Variants in DDX5 observed in about 807,000 individuals in gnomAD.
The protein encoded by DDX5 is DEAD-box helicase 5, also known as probable ATP-dependent RNA helicase DDX5.
In DDX5, 6 loss-of-function variants were observed where a neutral mutation model predicts 68.6. The observed-to-expected ratio is 0.09, with a 90% CI of 0.05 to 0.17. The LOEUF (loss-of-function observed/expected upper bound fraction) is 0.17, where lower values mean the gene tolerates loss of function less well. Ranked by LOEUF, DDX5 falls within the 10% of genes least tolerant of loss-of-function variation. The probability of loss-of-function intolerance (pLI) is 1.00; values close to 1 mark genes in which losing one functional copy is unlikely to be tolerated. For synonymous variants in DDX5, 350 were observed against 247.0 expected (o/e 1.42, Z -3.91); for missense variants, 499 against 756.1 (o/e 0.66, Z 3.99).
chr17:64,503,366 A>AGT lies in DDX5; in HGVS notation c.650-20_650-19dup, dbSNP rs1220169924. 1 of 1,614,020 alleles carries AGT rather than the reference A, an allele frequency of 6.2e-7. No homozygotes were observed. The highest frequency in any genetic ancestry group is 8.5e-7 in the Non-Finnish European group (1 of 1,180,004). The stretch of plus-strand genomic sequence containing the variant: ...TTCCACACCTTTAATTAAATACGTA[A>AGT]GTGTAACTACAATACCTAGGATATT... On this transcript the variant is annotated intron_variant, in intron 6 of 12. Coordinates refer to ENST00000225792, the MANE Select transcript of DDX5 (RefSeq NM_004396.5).
chr17:64,504,981 A>T lies in DDX5; in HGVS notation c.45-139T>A, dbSNP rs1054727879. 5.0e-5 allele frequency: 34 copies of T among 679,390 alleles called. No homozygotes were observed. The African/African-American group carries it at 9.5e-4, about 19-fold the overall frequency. 42.1% of individuals were successfully genotyped at this position (679,390 alleles called of 1,614,324 possible). A position where few individuals can be genotyped will look rare whatever the true frequency, so the allele number is the denominator to read the frequency against. On this transcript the variant is annotated intron_variant, in intron 1 of 12. Coordinates refer to ENST00000225792, the MANE Select transcript of DDX5 (RefSeq NM_004396.5). The stretch of plus-strand genomic sequence containing the variant: ...TAAACCTAGCACTGTCCTTCGTGAA[A>T]ATCTCTCTCTCTCTCAACAGCCACA...
chr17:64,506,019 G>GTGCCCCCCCCC, intron 1 of DDX5, 57 bp downstream of exon 1: 5 of 1,360,432 alleles, frequency 3.7e-6, no homozygotes, highest in Non-Finnish European at 4.1e-6. Flanking sequence ...CCGCCACCCT[G>GTGCCCCCCCCC]ACCCGCCCTC....
chr17:64,505,954 G>A lies in DDX5; in HGVS notation c.44+122C>T, dbSNP rs534079500. ...CAAAATGGCGCAAGCCTTCGGGAAA[G>A]GAAGTCCCAAGATAGCCCGGAAAGG... On this transcript the variant is annotated intron_variant, in intron 1 of 12. Coordinates refer to ENST00000225792, the MANE Select transcript of DDX5 (RefSeq NM_004396.5). 98 of 1,537,288 alleles carry A rather than the reference G, an allele frequency of 6.4e-5. No homozygotes were observed. The South Asian group carries it at 7.9e-4, about 12-fold the overall frequency.
chr17:64,506,321 T>C, upstream of DDX5: 1 of 1,488,378 alleles, frequency 6.7e-7, no homozygotes, highest in Non-Finnish European at 8.9e-7. Flanking sequence ...GCTTTTATAG[T>C]CTGGACCGCC....
At chr17:64,506,780 G>T, upstream of DDX5, 1 of 533,154 alleles carries the variant, frequency 1.9e-6, no homozygotes, top group South Asian at 2.1e-5. Context: ...CGCACCCCGG[G>T]ACCCGCCCGG....
intron 11 of DDX5, chr17:64,501,761 T>C (rs2038302498): frequency 1.8e-6 from 1 of 571,036 alleles, no homozygotes; most frequent in East Asian, 2.9e-5. Flanking sequence ...GTTCTGCCTT[T>C]TGAAGATTAC....
upstream of DDX5, chr17:64,506,785 G>T (rs997496302): frequency 1.1e-5 from 6 of 534,528 alleles, no homozygotes; most frequent in Admixed American, 6.7e-5. Flanking sequence ...CCCGGGACCC[G>T]CCCGGGCTGC....
At chr17:64,502,289 A>G in intron 9 of DDX5, 66 bp from the exon 10 acceptor site, 1 of 1,555,712 alleles carries the variant, frequency 6.4e-7, no homozygotes, top group Non-Finnish European at 8.8e-7. Context: ...GTGCTTGACC[A>G]CTTTTGGTCA....
rs965918776 is a variant in DDX5 at position 64,505,197 on chromosome 17, G to C, written c.45-355C>G. On this transcript the variant is annotated intron_variant, in intron 1 of 12. Coordinates refer to ENST00000225792, the MANE Select transcript of DDX5 (RefSeq NM_004396.5). ...CCACCAGCCTAGCAATTCACTATCA[G>C]CAATAACAAGGCTACATGAACCGAA... is the stretch of plus-strand genomic sequence containing the variant. 1.9e-5 allele frequency: 5 copies of C among 264,538 alleles called. No individual in the cohort carries two copies. In the Admixed American group the frequency reaches 2.5e-4, roughly 13 times the overall value. The allele number at this position is 264,538 out of a possible 1,614,324, so 16.4% of individuals were successfully genotyped here. A position where few individuals can be genotyped will look rare whatever the true frequency, so the allele number is the denominator to read the frequency against.
chr17:64,506,554 C>G, upstream of DDX5: 1 of 495,250 alleles, frequency 2.0e-6, no homozygotes, highest in Non-Finnish European at 3.4e-6. Context: ...GCCACCCCGC[C>G]CTTTCCCAAG....
intron 1 of DDX5, 92 bp downstream of exon 1, chr17:64,505,984 G>C (rs1031166063): frequency 3.2e-6 from 5 of 1,542,386 alleles, no homozygotes; most frequent in Non-Finnish European, 4.4e-6. Flanking sequence ...GAAAGGCCAA[G>C]TCCAAGCCGC....
upstream of DDX5, chr17:64,506,449 C>T (rs2038530532): frequency 1.5e-6 from 2 of 1,316,420 alleles, no homozygotes; most frequent in Admixed American, 3.1e-5. Context: ...CCTCCCCGCG[C>T]CACTCTCTCA....
At position 64,500,565 on chromosome 17, in the gene DDX5, G is replaced by T. The variant is rs183618509; in HGVS notation, c.1425C>A (p.Val475=). The change falls in exon 12 of 13, where the codon GTC becomes GTA. Residue 475 remains valine, a synonymous_variant. Coordinates refer to ENST00000225792, the MANE Select transcript of DDX5 (RefSeq NM_004396.5). ...CATCCTTACCTGAACCTCTGTCTTC[G>T]ACCAACTGAAGCAACTTGGGATTAA... ...QAINPKLLQL[V]EDRGSGRSRG... The T allele has an allele frequency of 5.8e-5, 93 of 1,613,492 alleles. No homozygotes were observed. Among genetic ancestry groups the T allele is most frequent in the Non-Finnish European group, 7.5e-5 (89 of 1,179,836 alleles).
chr17:64,500,992 G>A (rs2038284624), intron 11 of DDX5: 1 of 574,266 alleles, frequency 1.7e-6, no homozygotes, highest in African/African-American at 1.9e-5. Context: ...CCCACCCAGT[G>A]ACAGACCCTG....
At chr17:64,501,737 G>C in intron 11 of DDX5, 1 of 527,410 alleles carries the variant, frequency 1.9e-6, no homozygotes, top group Non-Finnish European at 3.4e-6. Flanking sequence ...CAGTTTACGG[G>C]GCAGAGGTGA....
intron 2 of DDX5, 113 bp from the exon 3 acceptor site, chr17:64,504,431 T>C: frequency 9.7e-7 from 1 of 1,032,474 alleles, no homozygotes; most frequent in Non-Finnish European, 1.4e-6. Flanking sequence ...GTAGCCTTCA[T>C]TTTAATCTGG....
upstream of DDX5, chr17:64,506,445 C>G: frequency 1.5e-6 from 2 of 1,323,476 alleles, no homozygotes; most frequent in Non-Finnish European, 2.0e-6. Flanking sequence ...CACCCCTCCC[C>G]GCGCCACTCT....
chr17:64,502,930 C>A lies in DDX5; in HGVS notation c.979G>T (p.Glu327Ter). 6.3e-7 allele frequency: 1 copy of A among 1,582,028 alleles called. No homozygotes were observed. Among genetic ancestry groups the A allele is most frequent in the South Asian group, 1.1e-5 (1 of 87,138 alleles). The change falls in exon 8 of 13, where the codon GAA (glutamate) becomes TAA (stop). Residue 327 changes from glutamate to a stop codon, truncating the protein, a stop_gained. Coordinates refer to ENST00000225792, the MANE Select transcript of DDX5 (RefSeq NM_004396.5). LOFTEE classifies it high-confidence loss of function. The stretch of plus-strand genomic sequence containing the variant: ...AACAGAGTTAATAAAACTTACTTTT[C>A]ATCCTTTTCTACGTCATGACACACA... ...VDVCHDVEKD[E>*]KLIRLMEEIM...
intron 1 of DDX5, chr17:64,505,717 C>A: frequency 6.5e-7 from 1 of 1,535,396 alleles, no homozygotes; most frequent in Non-Finnish European, 8.7e-7. Flanking sequence ...TGCCCGGCCA[C>A]CCCAAAAACA....
Sources: allele counts gnomAD v4.1 joint callset, GRCh38; gene constraint gnomAD v4.1.1; transcripts MANE v1.5; gene names NCBI Gene and HGNC (gene_info 2026-07-23, HGNC 2026-07-21).